Variants in PF4 observed in about 807,000 individuals in gnomAD.
PF4 encodes the protein C-X-C motif chemokine 4.
A neutral mutation model predicts 6.9 loss-of-function variants in PF4; 8 were observed. The ratio of observed to expected loss-of-function variants is 1.16; its 90% CI spans 0.68 to 2.09. The LOEUF (loss-of-function observed/expected upper bound fraction) is 2.09. Among genes scored for constraint, PF4 ranks in the 30% most tolerant of loss-of-function variants. The pLI, the probability that PF4 is intolerant of heterozygous loss-of-function variation, is 0.00. For synonymous variants in PF4, 55 were observed against 56.5 expected (o/e 0.97, Z 0.12); for missense variants, 111 against 122.9 (o/e 0.90, Z 0.46).
rs1718762008 is a variant in PF4 at position 73,980,951 on chromosome 4, A to T, written c.*253T>A. 4 of 480,842 alleles carry T rather than the reference A, an allele frequency of 8.3e-6. No homozygotes were observed. The allele number at this position is 480,842 out of a possible 1,614,324, so 29.8% of individuals were successfully genotyped here. On this transcript the variant is annotated 3_prime_UTR_variant, in exon 3 of 3. Coordinates refer to ENST00000296029, the MANE Select transcript of PF4 (RefSeq NM_002619.4). ...CCAACATGTAACACCAAGCATAACC[A>T]GTATTCACACCTTCCTTCAAAATAC...
chr4:73,982,117 A>C (rs1025094576), upstream of PF4: 1 of 375,570 alleles, frequency 2.7e-6, no homozygotes, highest in Non-Finnish European at 4.9e-6. Context: ...CGGTGCGGAA[A>C]CTAAGATAGT....
intron 1 of PF4, 114 bp downstream of exon 1, chr4:73,981,749 C>G: frequency 1.4e-6 from 2 of 1,479,478 alleles, no homozygotes; most frequent in Non-Finnish European, 9.0e-7. Context: ...ACTCAGCAGG[C>G]TCTCCGTTAA....
chr4:73,981,066 T>G lies in PF4; in HGVS notation c.*138A>C. Reference sequence around the variant, plus strand: ...CACTATTATTAAGAAGTATTTTGACTATACTACAACTTGATTTATTTTGTT... The same window carrying G: ...CACTATTATTAAGAAGTATTTTGACGATACTACAACTTGATTTATTTTGTT... On this transcript the variant is annotated 3_prime_UTR_variant, in exon 3 of 3. Coordinates refer to ENST00000296029, the MANE Select transcript of PF4 (RefSeq NM_002619.4). 1.5e-6 allele frequency: 1 copy of G among 666,194 alleles called. No homozygotes were observed. Among genetic ancestry groups the G allele is most frequent in the South Asian group, 2.1e-5 (1 of 48,630 alleles). 41.3% of individuals were successfully genotyped at this position (666,194 alleles called of 1,614,324 possible).
At chr4:73,981,335 T>C (rs745827045) in intron 2 of PF4, 44 bp from the exon 3 acceptor site, 4 of 1,614,078 alleles carry the variant, frequency 2.5e-6, no homozygotes, top group Non-Finnish European at 3.4e-6. Flanking sequence ...GTCCTTGGGT[T>C]TGCAAATGGC....
In PF4 at chr4:73,980,879, G is replaced by A. The variant is rs1462383352; in HGVS notation, c.*325C>T. On this transcript the variant is annotated 3_prime_UTR_variant, in exon 3 of 3. Transcript: ENST00000296029. ...TAATAATAATGGTCAAGGTAAATATGTAGCTATAAAGTACTGCAATCATGT... is the reference window on the plus strand; with the variant it reads ...TAATAATAATGGTCAAGGTAAATATATAGCTATAAAGTACTGCAATCATGT... Among the ~76,000 whole-genome samples, 1 of 152,228 alleles carries A rather than the reference G, an allele frequency of 6.6e-6. No homozygotes were observed. The highest frequency in any genetic ancestry group is 1.5e-5 in the Non-Finnish European group (1 of 68,044).
At chr4:73,981,688 G>A (rs1718800828) in intron 1 of PF4, 145 bp from the exon 2 acceptor site, 4 of 1,477,752 alleles carry the variant, frequency 2.7e-6, no homozygotes, top group Admixed American at 4.7e-5. Flanking sequence ...GACAGAAGTT[G>A]TTCTAACCAG....
rs1181419312 is a variant in PF4, at chr4:73,981,214, A to T, written c.296T>A (p.Leu99Ter). The T allele has an allele frequency of 6.2e-7, 1 of 1,613,686 alleles. No individual in the cohort carries two copies. Among genetic ancestry groups the T allele is most frequent in the African/African-American group, 1.3e-5 (1 of 74,940 alleles). ...GTAGGCAGCTAGTAGCTAACTCTCC[A>T]AAAGTTTCTTAATTATTTTCTTGTA... ...PLYKKIIKKL[L>*]ES Residue 99 changes from leucine (L) to a stop codon, truncating the protein, a stop_gained, in exon 3 of 3, where the codon TTG becomes TAG. Coordinates refer to ENST00000296029, the MANE Select transcript of PF4 (RefSeq NM_002619.4). LOFTEE classifies it high-confidence loss of function.
Position 73,981,945 on chromosome 4 carries a change from G to A in PF4, c.9C>T (p.Ser3=), listed in dbSNP as rs2109811310. MS[S]AAGFCASRPG... is the part of the protein sequence containing the mutation. Reference sequence around the variant, plus strand: ...GGCGTGAGGCGCAGAACCCGGCTGCGGAGCTCATGCTGCGGCAGAGCTTCC... The same window carrying A: ...GGCGTGAGGCGCAGAACCCGGCTGCAGAGCTCATGCTGCGGCAGAGCTTCC... Residue 3 remains serine (S), a synonymous_variant, in exon 1 of 3, where the codon TCC becomes TCT. Transcript: ENST00000296029. The A allele has an allele frequency of 1.3e-6, 2 of 1,550,810 alleles. No homozygotes were observed. Among genetic ancestry groups the A allele is most frequent in the Non-Finnish European group, 1.7e-6 (2 of 1,146,782 alleles).
Position 73,981,067 on chromosome 4 carries a change from A to G in PF4, c.*137T>C. The G allele has an allele frequency of 3.0e-6, 2 of 673,850 alleles. No homozygotes were observed. Among genetic ancestry groups the G allele is most frequent in the East Asian group, 2.7e-5 (1 of 36,518 alleles). The allele number at this position is 673,850 out of a possible 1,614,324, so 41.7% of individuals were successfully genotyped here. ...ACTATTATTAAGAAGTATTTTGACT[A>G]TACTACAACTTGATTTATTTTGTTT... is the stretch of plus-strand genomic sequence containing the variant. On this transcript the variant is annotated 3_prime_UTR_variant, in exon 3 of 3. Coordinates refer to ENST00000296029, the MANE Select transcript of PF4 (RefSeq NM_002619.4).
rs1718771475 is a variant in PF4 at position 73,981,146 on chromosome 4, G to A, written c.*58C>T. 1 of 1,173,134 alleles carries A rather than the reference G, an allele frequency of 8.5e-7. No individual in the cohort carries two copies. Among genetic ancestry groups the A allele is most frequent in the Non-Finnish European group, 1.3e-6 (1 of 785,404 alleles). 72.7% of individuals were successfully genotyped at this position (1,173,134 alleles called of 1,614,324 possible). A position where few individuals can be genotyped will look rare whatever the true frequency, so the allele number is the denominator to read the frequency against. ...TCAGAAGTTCTTTCACAGTTAGATT[G>A]AAACTGGAAAAAAGAAGTATGCTAT... On this transcript the variant is annotated 3_prime_UTR_variant, in exon 3 of 3. Transcript: ENST00000296029.
rs774757826 is a variant in PF4 at position 73,981,550 on chromosome 4, G to C, written c.92-7C>G. On this transcript the variant is annotated splice_region_variant and splice_polypyrimidine_tract_variant and intron_variant, in intron 1 of 2. Coordinates refer to ENST00000296029, the MANE Select transcript of PF4 (RefSeq NM_002619.4). ...CCATCTTCTTCAGCTTCAGCTGAGGGGGAAATGGAGAGGGTAAGAGAGGAG... is the reference window on the plus strand; with the variant it reads ...CCATCTTCTTCAGCTTCAGCTGAGGCGGAAATGGAGAGGGTAAGAGAGGAG... The C allele has an allele frequency of 3.1e-6, 5 of 1,611,614 alleles. No homozygotes were observed. The highest frequency in any genetic ancestry group is 4.2e-6 in the Non-Finnish European group (5 of 1,178,866).
In PF4 at chr4:73,981,103, A is replaced by G. The variant is rs1718769891; in HGVS notation, c.*101T>C. The stretch of plus-strand genomic sequence containing the variant: ...TGATTTATTTTGTTTATTTAAAATC[A>G]TAAGGATAACACAAATATCAGAAGT... On this transcript the variant is annotated 3_prime_UTR_variant, in exon 3 of 3. Coordinates refer to ENST00000296029, the MANE Select transcript of PF4 (RefSeq NM_002619.4). 3 of 813,230 alleles carry G rather than the reference A, an allele frequency of 3.7e-6. No individual in the cohort carries two copies. Among genetic ancestry groups the G allele is most frequent in the South Asian group, 1.7e-5 (1 of 58,742 alleles). 50.4% of individuals were successfully genotyped at this position (813,230 alleles called of 1,614,324 possible).
In PF4 at chr4:73,981,262, CA is replaced by C. The variant is rs1369275141; in HGVS notation, c.247del (p.Cys83AlafsTer12). On this transcript the variant is annotated frameshift_variant, in exon 3 of 3. Transcript: ENST00000296029. LOFTEE classifies it low-confidence loss of function (END_TRUNC). ...IATLKNGRKI[C>X]LDLQAPLYKK... ...GTACAGCGGGGCTTGCAGGTCCAAGCAAATTTTCCTTCCATTCTTCAGCGTG... is the reference window on the plus strand; with the variant it reads ...GTACAGCGGGGCTTGCAGGTCCAAGCAATTTTCCTTCCATTCTTCAGCGTG... The C allele has an allele frequency of 6.2e-7, 1 of 1,614,068 alleles. No homozygotes were observed. The highest frequency in any genetic ancestry group is 2.2e-5 in the East Asian group (1 of 44,900).
Position 73,981,122 on chromosome 4 carries a change from C to T in PF4, c.*82G>A. The T allele has an allele frequency of 1.1e-6, 1 of 930,410 alleles. No homozygotes were observed. Among genetic ancestry groups the T allele is most frequent in the Non-Finnish European group, 1.7e-6 (1 of 581,270 alleles). The allele number at this position is 930,410 out of a possible 1,614,324, so 57.6% of individuals were successfully genotyped here. On this transcript the variant is annotated 3_prime_UTR_variant, in exon 3 of 3. Transcript: ENST00000296029. ...AAAATCATAAGGATAACACAAATATCAGAAGTTCTTTCACAGTTAGATTGA... is the reference window on the plus strand; with the variant it reads ...AAAATCATAAGGATAACACAAATATTAGAAGTTCTTTCACAGTTAGATTGA...
chr4:73,982,058 C>CCCGGCTGT (rs1718819643), upstream of PF4: 1 of 901,482 alleles, frequency 1.1e-6, no homozygotes, highest in African/African-American at 1.7e-5. Context: ...ACGTTTTATT[C>CCCGGCTGT]CCGGCTGTCC....
In PF4 at chr4:73,981,100, A is replaced by G; in HGVS notation, c.*104T>C. 1.3e-6 allele frequency: 1 copy of G among 792,416 alleles called. No individual in the cohort carries two copies. The highest frequency in any genetic ancestry group is 2.6e-5 in the Admixed American group (1 of 38,404). 49.1% of individuals were successfully genotyped at this position (792,416 alleles called of 1,614,324 possible). On this transcript the variant is annotated 3_prime_UTR_variant, in exon 3 of 3. Transcript: ENST00000296029. ...ACTTGATTTATTTTGTTTATTTAAA[A>G]TCATAAGGATAACACAAATATCAGA...
At chr4:73,982,043 C>T (rs371436633), upstream of PF4, 307 of 1,085,364 alleles carry the variant, frequency 2.8e-4, 1 homozygote, top group African/African-American at 4.4e-3. Context: ...CTGAGCCTCG[C>T]CGGCACGTTT....
chr4:73,982,017 C>T lies in PF4; in HGVS notation c.-64G>A, dbSNP rs1343276519. On this transcript the variant is annotated 5_prime_UTR_variant, in exon 1 of 3. Transcript: ENST00000296029. ...GCGATGGGAAACTCGGGCTGGGTCTCTGTGGCCAATGACTCCTGAGCCTCG... is the reference window on the plus strand; with the variant it reads ...GCGATGGGAAACTCGGGCTGGGTCTTTGTGGCCAATGACTCCTGAGCCTCG... The T allele has an allele frequency of 7.2e-7, 1 of 1,388,720 alleles. No homozygotes were observed. Among genetic ancestry groups the T allele is most frequent in the Non-Finnish European group, 1.0e-6 (1 of 1,002,720 alleles). 86.0% of individuals were successfully genotyped at this position (1,388,720 alleles called of 1,614,324 possible). A position where few individuals can be genotyped will look rare whatever the true frequency, so the allele number is the denominator to read the frequency against.
intron 1 of PF4, 39 bp downstream of exon 1, chr4:73,981,824 C>G: frequency 6.5e-7 from 1 of 1,547,546 alleles, no homozygotes; most frequent in East Asian, 2.4e-5. Context: ...GACTCCCCCT[C>G]GCCGCTGCCA....
Sources: allele counts gnomAD v4.1 joint callset (sites outside exome capture counted in the v4.1 genomes callset), GRCh38; gene constraint gnomAD v4.1.1; transcripts MANE v1.5; gene names NCBI Gene and HGNC (gene_info 2026-07-23, HGNC 2026-07-21).